The following FAM107B variants were observed in gnomAD, a reference collection of about 807,000 sequenced individuals.
FAM107B encodes the protein family with sequence similarity 107 member B, also known as protein FAM107B.
FAM107B carries 21 observed loss-of-function variants against 31.5 expected under a neutral mutation model. That is an observed-to-expected ratio of 0.67 (90% confidence interval 0.47 to 0.96). The LOEUF is 0.96. Ranked by LOEUF, FAM107B falls within the 40% of genes least tolerant of loss-of-function variation. The pLI is 0.00. For missense variants in FAM107B, 452 were observed against 377.1 expected, an observed-to-expected ratio of 1.20 and a Z score of -1.64; for synonymous variants, 157 against 141.5, an observed-to-expected ratio of 1.11 and a Z score of -0.78.
chr10:14,693,426 T>C (rs1188389650), intron 1 of FAM107B, among the ~76,000 whole-genome samples: 1 of 149,356 alleles, frequency 6.7e-6, no homozygotes, highest in East Asian at 2.0e-4. Flanking sequence ...TGCAGTGAGC[T>C]GACATGGTGC....
intron 1 of FAM107B, among the ~76,000 whole-genome samples, chr10:14,772,877 T>C (rs1192744613): frequency 6.6e-6 from 1 of 152,204 alleles, no homozygotes; most frequent in Admixed American, 6.5e-5. Context: ...AGTAACCCTT[T>C]GTTCTTGCGG....
chr10:14,772,899 A>G (rs1833339718), intron 1 of FAM107B, among the ~76,000 whole-genome samples: 1 of 152,190 alleles, frequency 6.6e-6, no homozygotes, highest in African/African-American at 2.4e-5. Flanking sequence ...TGTCTTCAGT[A>G]ATATAAGGTG....
At chr10:14,523,062 C>T (rs1038299401) in intron 3 of FAM107B, among the ~76,000 whole-genome samples, 4 of 152,168 alleles carry the variant, frequency 2.6e-5, no homozygotes, top group Middle Eastern at 3.2e-3. Context: ...ACTAGCCACC[C>T]TCCATCTGAA....
rs1370094168 is a variant in FAM107B at position 14,671,882 on chromosome 10, A to C, written c.412-4191T>G. 7.2e-3 allele frequency among the ~76,000 whole-genome samples: 634 copies of C among 88,098 alleles called. 12 individuals are homozygous for C. Among genetic ancestry groups the C allele is most frequent in the South Asian group, 0.016 (38 of 2,440 alleles). 57.8% of individuals were successfully genotyped at this position (88,098 alleles called of 152,430 possible). ...ACACTCCCTTTTATTTAAAAAAAAA[A>C]AACAAAAAAACAAAAAAAAAACCCT... is the stretch of plus-strand genomic sequence containing the variant. On this transcript the variant is annotated intron_variant, in intron 1 of 4. Coordinates refer to ENST00000181796, the MANE Select transcript of FAM107B (RefSeq NM_031453.4).
chr10:14,715,949 C>T (rs11813958), intron 1 of FAM107B, among the ~76,000 whole-genome samples: 9,642 of 152,166 alleles, frequency 0.063, 584 homozygotes, highest in African/African-American at 0.16. Flanking sequence ...TCCACAATCA[C>T]GTGAGCCAAT....
At chr10:14,768,168 A>C (rs1833223430) in intron 1 of FAM107B, among the ~76,000 whole-genome samples, 1 of 152,230 alleles carries the variant, frequency 6.6e-6, no homozygotes, top group African/African-American at 2.4e-5. Context: ...AAATATAATA[A>C]ATGGAAAATA....
At chr10:14,537,021 A>T (rs1308355876) in intron 2 of FAM107B, among the ~76,000 whole-genome samples, 1 of 152,110 alleles carries the variant, frequency 6.6e-6, no homozygotes, top group Non-Finnish European at 1.5e-5. Flanking sequence ...ACAACTAAGG[A>T]GGGCAAGAAA....
intron 2 of FAM107B, among the ~76,000 whole-genome samples, chr10:14,555,284 T>C (rs1235139684): frequency 6.6e-6 from 1 of 152,202 alleles, no homozygotes; most frequent in Non-Finnish European, 1.5e-5. Flanking sequence ...GTTTAATAAT[T>C]TGAAGTCATA....
At chr10:14,751,354 A>G (rs1268183605) in intron 1 of FAM107B, among the ~76,000 whole-genome samples, 3 of 152,202 alleles carry the variant, frequency 2.0e-5, no homozygotes, top group Non-Finnish European at 4.4e-5. Flanking sequence ...CTTGGACCAT[A>G]CAGCATGGCC....
At chr10:14,754,067 C>T (rs11818253) in intron 1 of FAM107B, among the ~76,000 whole-genome samples, 29,912 of 151,628 alleles carry the variant, frequency 0.2, 3,916 homozygotes, top group African/African-American at 0.37. Flanking sequence ...TCCTCCCTAG[C>T]AGCTGGGATT....
chr10:14,688,109 T>C (rs1265814311), intron 1 of FAM107B, among the ~76,000 whole-genome samples: 1 of 152,198 alleles, frequency 6.6e-6, no homozygotes, highest in Admixed American at 6.5e-5. Flanking sequence ...GAAGCTGACT[T>C]GCTGAGTCTT....
chr10:14,598,290 G>T (rs534816664), intron 2 of FAM107B, among the ~76,000 whole-genome samples: 1 of 152,286 alleles, frequency 6.6e-6, no homozygotes, highest in African/African-American at 2.4e-5. Context: ...TCTTCTAGGA[G>T]TTTTGTGGAA....
intron 1 of FAM107B, among the ~76,000 whole-genome samples, chr10:14,682,191 A>G (rs17155747): frequency 0.028 from 4,339 of 152,314 alleles, 204 homozygotes; most frequent in African/African-American, 0.097. Context: ...ATTGCCGAAC[A>G]GTATGCAGAA....
chr10:14,663,143 G>A (rs1043480155), intron 2 of FAM107B, among the ~76,000 whole-genome samples: 8 of 152,162 alleles, frequency 5.3e-5, no homozygotes, highest in East Asian at 3.9e-4. Context: ...CCAGGCCTTC[G>A]GCCACAGACT....
intron 1 of FAM107B, among the ~76,000 whole-genome samples, chr10:14,761,112 A>C (rs113883997): frequency 5.9e-5 from 9 of 152,294 alleles, no homozygotes; most frequent in Admixed American, 2.6e-4. Flanking sequence ...CATAATTTCA[A>C]ATAAAATCTT....
chr10:14,762,318 T>C (rs913319892), intron 1 of FAM107B, among the ~76,000 whole-genome samples: 6 of 152,200 alleles, frequency 3.9e-5, no homozygotes, highest in African/African-American at 1.2e-4. Flanking sequence ...GATGGTTAGT[T>C]AGTCACTGAA....
At position 14,521,308 on chromosome 10, in the gene FAM107B, TA is replaced by T. The variant is rs778380584; in HGVS notation, c.805-3del. The T allele has an allele frequency of 6.2e-7, 1 of 1,612,206 alleles. No individual in the cohort carries two copies. The highest frequency in any genetic ancestry group is 8.5e-7 in the Non-Finnish European group (1 of 1,178,916). On this transcript the variant is annotated splice_region_variant and splice_polypyrimidine_tract_variant and intron_variant, in intron 4 of 4. Coordinates refer to ENST00000181796, the MANE Select transcript of FAM107B (RefSeq NM_031453.4). ...CAATTTCTGCTTCTCAAGTTCAAGC[TA>T]AATGACATTCAGAAAAGGAAAAATT...
rs114704069 is a variant in FAM107B at position 14,519,661 on chromosome 10, C to A, written c.*1529G>T. 1.2e-3 allele frequency: 181 copies of A among 152,254 alleles called. No individual in the cohort carries two copies. Among genetic ancestry groups the A allele is most frequent in the African/African-American group, 4.1e-3 (171 of 41,536 alleles). The allele number at this position is 152,254 out of a possible 1,614,324, so 9.4% of individuals were successfully genotyped here. ...TGTTCCCATTCAGATTGAATATGGG[C>A]CTAATTGTCAACTGCTAACACTAAA... is the stretch of plus-strand genomic sequence containing the variant. On this transcript the variant is annotated 3_prime_UTR_variant, in exon 5 of 5. Transcript: ENST00000181796.
At chr10:14,541,454 C>T (rs1848193004) in intron 2 of FAM107B, among the ~76,000 whole-genome samples, 1 of 152,190 alleles carries the variant, frequency 6.6e-6, no homozygotes, top group African/African-American at 2.4e-5. Context: ...CCCATCTCCA[C>T]CTCTGCTTCC....
Sources: allele counts gnomAD v4.1 joint callset (sites outside exome capture counted in the v4.1 genomes callset), GRCh38; gene constraint gnomAD v4.1.1; transcripts MANE v1.5; gene names NCBI Gene and HGNC (gene_info 2026-07-23, HGNC 2026-07-21).